RNF122: variants seen among roughly 807,000 people sequenced by gnomAD.
RNF122 encodes the protein ring finger protein 122.
A neutral mutation model predicts 24.2 loss-of-function variants in RNF122; 17 were observed. The ratio of observed to expected loss-of-function variants is 0.70; its 90% CI spans 0.48 to 1.06. The LOEUF (loss-of-function observed/expected upper bound fraction) is 1.06, where lower values mean the gene tolerates loss of function less well. Among genes scored for constraint, RNF122 ranks in the 50% least tolerant of loss-of-function variants. The pLI is 0.00. For synonymous variants in RNF122, 65 were observed against 71.8 expected, an observed-to-expected ratio of 0.91 and a Z score of 0.48; for missense variants, 168 against 198.1, an observed-to-expected ratio of 0.85 and a Z score of 0.91.
At chr8:33,553,422 G>A (rs1015315561) in intron 2 of RNF122, among the ~76,000 whole-genome samples, 3 of 152,054 alleles carry the variant, frequency 2.0e-5, no homozygotes, top group Admixed American at 6.6e-5. Flanking sequence ...AAGAAAATTA[G>A]CCAGGTATGA....
In RNF122 at chr8:33,563,053, C is replaced by T. The variant is rs145086083; in HGVS notation, c.25+3646G>A. ...CTGCAGTGAGCTGAGGCAGAGGCTG[C>T]AGTGAGCTGAGATGGCGCCACTGTG... On this transcript the variant is annotated intron_variant, in intron 1 of 5. Coordinates refer to ENST00000256257, the MANE Select transcript of RNF122 (RefSeq NM_024787.3). Among the ~76,000 whole-genome samples, 41 of 150,076 alleles carry T rather than the reference C, an allele frequency of 2.7e-4. No individual in the cohort carries two copies. In the East Asian group the frequency reaches 8.0e-3, roughly 29 times the overall value.
intron 1 of RNF122, among the ~76,000 whole-genome samples, chr8:33,565,808 C>T (rs1810613923): frequency 6.6e-6 from 1 of 152,204 alleles, no homozygotes; most frequent in Non-Finnish European, 1.5e-5. Context: ...CCTCGCACCC[C>T]AGGGACAGCC....
At chr8:33,556,875 C>G (rs181942622) in intron 2 of RNF122, among the ~76,000 whole-genome samples, 13 of 152,274 alleles carry the variant, frequency 8.5e-5, no homozygotes, top group African/African-American at 2.9e-4. Flanking sequence ...CAAGGTAGCA[C>G]CTGGGAGTGG....
intron 1 of RNF122, among the ~76,000 whole-genome samples, chr8:33,566,078 C>T (rs895126131): frequency 2.0e-5 from 3 of 152,122 alleles, no homozygotes; most frequent in Non-Finnish European, 4.4e-5. Flanking sequence ...GTCTCGAACT[C>T]CCGACTTCAG....
At chr8:33,564,521 C>T (rs896116498) in intron 1 of RNF122, among the ~76,000 whole-genome samples, 1 of 152,048 alleles carries the variant, frequency 6.6e-6, no homozygotes, top group Non-Finnish European at 1.5e-5. Context: ...CGCAGTGAGC[C>T]CTGATCGTGC....
Position 33,549,380 on chromosome 8 carries a change from G to T in RNF122, c.353+30C>A. 4 of 1,578,628 alleles carry T rather than the reference G, an allele frequency of 2.5e-6. No individual in the cohort carries two copies. In the South Asian group the frequency reaches 3.3e-5, roughly 13 times the overall value. On this transcript the variant is annotated intron_variant, in intron 5 of 5. Transcript: ENST00000256257. ...GATGCTCCCTGATTATTTCTCCTTC[G>T]ACGGGCACCCTGGACACATTCCCAC...
intron 2 of RNF122, among the ~76,000 whole-genome samples, chr8:33,556,873 C>A (rs1361281573): frequency 6.6e-6 from 1 of 152,192 alleles, no homozygotes; most frequent in African/African-American, 2.4e-5. Flanking sequence ...TCCAAGGTAG[C>A]ACCTGGGAGT....
rs1425013339 is a variant in RNF122 at position 33,548,721 on chromosome 8, G to A, written c.*32C>T. 2 of 1,375,844 alleles carry A rather than the reference G, an allele frequency of 1.5e-6. No individual in the cohort carries two copies. Among genetic ancestry groups the A allele is most frequent in the Admixed American group, 1.7e-5 (1 of 59,642 alleles). The allele number at this position is 1,375,844 out of a possible 1,614,324, so 85.2% of individuals were successfully genotyped here. On this transcript the variant is annotated 3_prime_UTR_variant, in exon 6 of 6. Transcript: ENST00000256257. ...GGACCAGACATCCATGAGGCAAGAG[G>A]TCTTCTCCAGGTCTCGGTGTAGCGG...
intron 2 of RNF122, among the ~76,000 whole-genome samples, chr8:33,556,868 G>A (rs1435680519): frequency 6.6e-6 from 1 of 152,198 alleles, no homozygotes; most frequent in Non-Finnish European, 1.5e-5. Flanking sequence ...ACAGGTCCAA[G>A]GTAGCACCTG....
intron 2 of RNF122, among the ~76,000 whole-genome samples, chr8:33,553,868 G>A (rs1810412708): frequency 6.6e-6 from 1 of 152,242 alleles, no homozygotes; most frequent in Non-Finnish European, 1.5e-5. Flanking sequence ...GAGAGCTCCA[G>A]TCCAAGTGGA....
chr8:33,562,952 A>G (rs1810560666), intron 1 of RNF122, among the ~76,000 whole-genome samples: 1 of 151,334 alleles, frequency 6.6e-6, no homozygotes, highest in Non-Finnish European at 1.5e-5. Context: ...AAACCTGGGC[A>G]TGGTGGTGCA....
chr8:33,556,175 GTC>G (rs1810448566), intron 2 of RNF122, among the ~76,000 whole-genome samples: 1 of 91,630 alleles, frequency 1.1e-5, no homozygotes, highest in African/African-American at 6.6e-5. Context: ...GCAAGACCCT[GTC>G]TCAAAAAAAA....
intron 2 of RNF122, among the ~76,000 whole-genome samples, chr8:33,552,599 A>T (rs984685104): frequency 6.6e-6 from 1 of 152,106 alleles, no homozygotes; most frequent in Non-Finnish European, 1.5e-5. Flanking sequence ...TGAGAATATG[A>T]TCTGGTCTTG....
chr8:33,551,423 G>A, intron 2 of RNF122, 34 bp from the exon 3 acceptor site: 1 of 1,611,886 alleles, frequency 6.2e-7, no homozygotes, highest in East Asian at 2.2e-5. Flanking sequence ...GAGAAAGCAG[G>A]TTAAATGGAA....
At chr8:33,553,326 A>C (rs918002401) in intron 2 of RNF122, among the ~76,000 whole-genome samples, 4 of 152,032 alleles carry the variant, frequency 2.6e-5, no homozygotes, top group Non-Finnish European at 4.4e-5. Context: ...AATAATGCCA[A>C]CTCAGGTGGA....
At position 33,566,739 on chromosome 8, in the gene RNF122, T is replaced by C. The variant is rs896642859; in HGVS notation, c.-16A>G. Reference sequence around the variant, plus strand: ...ATGGGTGCATCAATGAAGTCGCGGTTGGCTTCCTCGGGCGAACGGACGCAG... The same window carrying C: ...ATGGGTGCATCAATGAAGTCGCGGTCGGCTTCCTCGGGCGAACGGACGCAG... On this transcript the variant is annotated 5_prime_UTR_variant, in exon 1 of 6. Coordinates refer to ENST00000256257, the MANE Select transcript of RNF122 (RefSeq NM_024787.3). 5 of 1,603,144 alleles carry C rather than the reference T, an allele frequency of 3.1e-6. No individual in the cohort carries two copies. Among genetic ancestry groups the C allele is most frequent in the Admixed American group, 1.7e-5 (1 of 58,078 alleles).
At chr8:33,561,376 A>T (rs935920387) in intron 1 of RNF122, among the ~76,000 whole-genome samples, 18 of 152,124 alleles carry the variant, frequency 1.2e-4, no homozygotes, top group Admixed American at 6.6e-5. Flanking sequence ...TGATGACTAT[A>T]TAACGAGCCT....
intron 1 of RNF122, among the ~76,000 whole-genome samples, chr8:33,565,697 G>T (rs1439943971): frequency 6.6e-6 from 1 of 152,222 alleles, no homozygotes; most frequent in Non-Finnish European, 1.5e-5. Flanking sequence ...GAGAAATGGG[G>T]CGAGGGGTTG....
At chr8:33,552,360 T>C (rs1185147306) in intron 2 of RNF122, among the ~76,000 whole-genome samples, 2 of 151,722 alleles carry the variant, frequency 1.3e-5, no homozygotes, top group East Asian at 3.9e-4. Context: ...GATTGCGCCA[T>C]TGCACTCCAG....
Sources: gnomAD v4.1 joint callset for allele counts (sites outside exome capture counted in the v4.1 genomes callset) on GRCh38, gnomAD v4.1.1 for gene constraint, MANE v1.5 for transcripts, NCBI Gene and HGNC (gene_info 2026-07-23, HGNC 2026-07-21) for gene names.